RPTOR: variants seen among roughly 807,000 people sequenced by gnomAD.
The protein encoded by RPTOR is regulatory-associated protein of mTOR.
Under a neutral mutation model 169.9 loss-of-function variants are expected in RPTOR, and 21 were observed. The observed-to-expected ratio is 0.12, with a 90% CI of 0.09 to 0.18. RPTOR has a LOEUF of 0.18. RPTOR is among the 10% of genes least tolerant of loss of function. The pLI is 1.00. For synonymous variants in RPTOR, 732 were observed against 753.2 expected, an observed-to-expected ratio of 0.97 and a Z score of 0.46; for missense variants, 1,133 against 1,855.9, an observed-to-expected ratio of 0.61 and a Z score of 7.16.
chr17:80,641,113 A>G lies in RPTOR; in HGVS notation c.266-2615A>G, dbSNP rs140392269. ...TTTTTGTTTTTCAGATCCCAATCCA[A>G]TCCTATCTTGTGGGTCTGATCACAG... On this transcript the variant is annotated intron_variant, in intron 2 of 33. Transcript: ENST00000306801. Among the ~76,000 whole-genome samples, 653 of 152,284 alleles carry G rather than the reference A, an allele frequency of 4.3e-3. 5 individuals are homozygous for G. The highest frequency in any genetic ancestry group is 0.015 in the African/African-American group (628 of 41,546).
Position 80,730,768 on chromosome 17 carries a change from G to GTT in RPTOR, c.654+64_654+65dup. 1 of 555,470 alleles carries GTT rather than the reference G, an allele frequency of 1.8e-6. No individual in the cohort carries two copies. Among genetic ancestry groups the GTT allele is most frequent in the Non-Finnish European group, 3.3e-6 (1 of 302,868 alleles). The allele number at this position is 555,470 out of a possible 1,614,324, so 34.4% of individuals were successfully genotyped here. A position where few individuals can be genotyped will look rare whatever the true frequency, so the allele number is the denominator to read the frequency against. On this transcript the variant is annotated intron_variant, in intron 5 of 33. Coordinates refer to ENST00000306801, the MANE Select transcript of RPTOR (RefSeq NM_020761.3). This position sits in a 1 kb window ranked among gnomAD's most constrained non-coding sequence, Gnocchi z 4.2. ...TGGTTTTGTTTTCCCTGGGGGTGGGGTTTGGGTGGGGAGGTTGGGAGGTGT... is the reference window on the plus strand; with the variant it reads ...TGGTTTTGTTTTCCCTGGGGGTGGGGTTTTTGGGTGGGGAGGTTGGGAGGTGT...
intron 27 of RPTOR, chr17:80,948,615 GA>G (rs1216587229): frequency 1.3e-5 from 2 of 152,558 alleles, no homozygotes; most frequent in Non-Finnish European, 2.9e-5. Flanking sequence ...CCAAAACCAG[GA>G]ACGTTTGGTG....
chr17:80,883,725 C>T (rs1171629200), intron 15 of RPTOR, 56 bp from the exon 16 acceptor site: 10 of 1,579,708 alleles, frequency 6.3e-6, no homozygotes, highest in Non-Finnish European at 8.7e-6. Context: ...AGGTACCCAC[C>T]ACGTGCCTGC....
chr17:80,556,678 G>T (rs745648235), intron 1 of RPTOR, among the ~76,000 whole-genome samples: 4 of 152,002 alleles, frequency 2.6e-5, no homozygotes, highest in Non-Finnish European at 5.9e-5. Context: ...GGACTGGCTG[G>T]CTGGTACAGT....
At position 80,844,538 on chromosome 17, in the gene RPTOR, T is replaced by C. The variant is rs970034596; in HGVS notation, c.1213-1935T>C. Among the ~76,000 whole-genome samples, 3 of 152,188 alleles carry C rather than the reference T, an allele frequency of 2.0e-5. No individual in the cohort carries two copies. The highest frequency in any genetic ancestry group is 7.2e-5 in the African/African-American group (3 of 41,430). On this transcript the variant is annotated intron_variant, in intron 10 of 33. Transcript: ENST00000306801. This position sits in a 1 kb window ranked among gnomAD's most constrained non-coding sequence, Gnocchi z 4.7. ...TTTTTTTTAACCAATTTATGAATAA[T>C]TCACACTTGAAAACAGGAAAATCAC...
chr17:80,930,153 T>TCAGCTCATCCCCAGCTCATGCC (rs1365029758), intron 24 of RPTOR, among the ~76,000 whole-genome samples: 12 of 87,086 alleles, frequency 1.4e-4, no homozygotes, highest in East Asian at 3.1e-4. Flanking sequence ...CATCCCCAGC[T>TCAGCTCATCCCCAGCTCATGCC]CAGCTCATCC....
chr17:80,746,488 G>A lies in RPTOR; in HGVS notation c.655-7522G>A, dbSNP rs558605036. Among the ~76,000 whole-genome samples, 2 of 152,296 alleles carry A rather than the reference G, an allele frequency of 1.3e-5. No individual in the cohort carries two copies. The highest frequency in any genetic ancestry group is 2.1e-4 in the South Asian group (1 of 4,824). On this transcript the variant is annotated intron_variant, in intron 5 of 33. Coordinates refer to ENST00000306801, the MANE Select transcript of RPTOR (RefSeq NM_020761.3). The surrounding 1 kb of genome is among the most constrained non-coding windows in gnomAD (Gnocchi z 4.5). ...TGCAGCAGATGTCTTTTTTGGATCC[G>A]GTTGCTGTGTATCGCATCGCAAGAC...
intron 3 of RPTOR, among the ~76,000 whole-genome samples, chr17:80,665,701 T>C (rs1212258911): frequency 1.8e-4 from 27 of 151,486 alleles, no homozygotes; most frequent in African/African-American, 6.3e-4. Flanking sequence ...CCCGCCACCA[T>C]GCCCGGCTAA....
At chr17:80,751,006 GTAC>G (rs2066625031) in intron 5 of RPTOR, among the ~76,000 whole-genome samples, 1 of 152,094 alleles carries the variant, frequency 6.6e-6, no homozygotes, top group African/African-American at 2.4e-5. Context: ...AATTTGATTT[GTAC>G]TCTGGGTTTA....
chr17:80,585,686 G>T (rs2065055107), intron 1 of RPTOR, among the ~76,000 whole-genome samples: 1 of 152,206 alleles, frequency 6.6e-6, no homozygotes. Context: ...TTTAGGCACA[G>T]TGCTGCTTCT....
At chr17:80,550,956 C>T (rs9912382) in intron 1 of RPTOR, among the ~76,000 whole-genome samples, 58,809 of 152,098 alleles carry the variant, frequency 0.39, 11,534 homozygotes, top group Middle Eastern at 0.48. Flanking sequence ...GGCGTGATCT[C>T]GGCTCACTGC....
At chr17:80,828,272 C>A (rs2067466657) in intron 9 of RPTOR, among the ~76,000 whole-genome samples, 1 of 152,196 alleles carries the variant, frequency 6.6e-6, no homozygotes, top group African/African-American at 2.4e-5. Context: ...GAGCATGCTC[C>A]TGAGACCATG....
intron 1 of RPTOR, among the ~76,000 whole-genome samples, chr17:80,581,581 G>A (rs2065014381): frequency 6.7e-6 from 1 of 148,846 alleles, no homozygotes; most frequent in Admixed American, 6.7e-5. Context: ...AGTGGAGACC[G>A]CACATCGGGC....
At chr17:80,743,721 A>G (rs1567887085) in intron 5 of RPTOR, among the ~76,000 whole-genome samples, 1 of 149,968 alleles carries the variant, frequency 6.7e-6, no homozygotes, top group East Asian at 2.0e-4. Flanking sequence ...TGTCCTGGCT[A>G]CGAGCACAGC....
At chr17:80,620,004 T>C (rs974059001) in intron 1 of RPTOR, among the ~76,000 whole-genome samples, 1 of 152,112 alleles carries the variant, frequency 6.6e-6, no homozygotes, top group African/African-American at 2.4e-5. Flanking sequence ...CTTTAGTGGG[T>C]GCCTCCAGGA....
intron 7 of RPTOR, among the ~76,000 whole-genome samples, chr17:80,794,620 C>T (rs894918265): frequency 2.6e-5 from 4 of 152,198 alleles, no homozygotes; most frequent in South Asian, 2.1e-4. Context: ...TGAATGTTTA[C>T]GGTAGCTCTG....
chr17:80,704,733 G>T lies in RPTOR; in HGVS notation c.349-3108G>T, dbSNP rs117131397. On this transcript the variant is annotated intron_variant, in intron 3 of 33. Transcript: ENST00000306801. ...TGGTAACTGAGTGTGTTGTAATGCTGGGGAAAGGATATAAAACTTGTATTT... is the reference window on the plus strand; with the variant it reads ...TGGTAACTGAGTGTGTTGTAATGCTTGGGAAAGGATATAAAACTTGTATTT... Among the ~76,000 whole-genome samples the T allele has an allele frequency of 9.5e-4, 145 of 152,292 alleles. 2 individuals are homozygous for T. In the East Asian group the frequency reaches 0.024, roughly 25 times the overall value.
At chr17:80,951,865 G>A (rs1282861669) in intron 28 of RPTOR, among the ~76,000 whole-genome samples, 1 of 152,218 alleles carries the variant, frequency 6.6e-6, no homozygotes, top group Non-Finnish European at 1.5e-5. Context: ...CGGCCTATGT[G>A]CTGGAGACAG....
intron 1 of RPTOR, among the ~76,000 whole-genome samples, chr17:80,604,263 T>C (rs2065212319): frequency 6.6e-6 from 1 of 152,260 alleles, no homozygotes; most frequent in Admixed American, 6.5e-5. Context: ...TAGAATTGTA[T>C]GTTAACTTGG....
Sources: gnomAD v4.1 joint callset for allele counts (sites outside exome capture counted in the v4.1 genomes callset) on GRCh38, gnomAD v4.1.1 for gene constraint, Gnocchi (gnomAD v3.1) non-coding constraint, MANE v1.5 for transcripts, NCBI Gene and HGNC (gene_info 2026-07-23, HGNC 2026-07-21) for gene names.